Variants in BANF2 observed in about 807,000 individuals in gnomAD.
BANF2 encodes the protein BANF family member 2.
A neutral mutation model predicts 8.0 loss-of-function variants in BANF2; 4 were observed. That is an observed-to-expected ratio of 0.50 (90% CI 0.25 to 1.14). The LOEUF (loss-of-function observed/expected upper bound fraction) is 1.14. BANF2 is among the 50% of genes most tolerant of loss of function. The pLI is 0.16. For synonymous variants in BANF2, 50 were observed against 40.6 expected, an observed-to-expected ratio of 1.23 and a Z score of -0.88; for missense variants, 96 against 107.5, an observed-to-expected ratio of 0.89 and a Z score of 0.47.
chr20:17,694,095 C>T (rs762631234), intron 1 of BANF2, among the ~76,000 whole-genome samples: 5 of 152,194 alleles, frequency 3.3e-5, no homozygotes, highest in East Asian at 1.9e-4. Context: ...AGTACTTGTT[C>T]GTTCATTCAG....
chr20:17,735,836 A>G lies in BANF2; in HGVS notation c.*25A>G. 1 of 1,598,582 alleles carries G rather than the reference A, an allele frequency of 6.3e-7. No homozygotes were observed. The highest frequency in any genetic ancestry group is 8.6e-7 in the Non-Finnish European group (1 of 1,169,530). On this transcript the variant is annotated 3_prime_UTR_variant, in exon 4 of 4. Transcript: ENST00000246090. ...GACACAAACCTCATTGCTGCCCCCCACCACCCTCTGGGGAAAATGACGCCT... is the reference window on the plus strand; with the variant it reads ...GACACAAACCTCATTGCTGCCCCCCGCCACCCTCTGGGGAAAATGACGCCT...
chr20:17,731,746 T>A lies in BANF2; in HGVS notation c.127-3919T>A, dbSNP rs1394723776. ...CTCTAGCCTGTGTGACGGAATGAGA[T>A]CCCGTCTCTTAGGAAAAAAAAAAAA... On this transcript the variant is annotated intron_variant, in intron 3 of 3. Transcript: ENST00000246090. Among the ~76,000 whole-genome samples the A allele has an allele frequency of 8.6e-5, 9 of 104,660 alleles. No homozygotes were observed. The Admixed American group carries it at 1.2e-3, about 14-fold the overall frequency. 68.7% of individuals were successfully genotyped at this position (104,660 alleles called of 152,430 possible).
At chr20:17,715,239 C>A (rs1002320197) in intron 1 of BANF2, among the ~76,000 whole-genome samples, 1 of 152,138 alleles carries the variant, frequency 6.6e-6, no homozygotes, top group African/African-American at 2.4e-5. Flanking sequence ...GTGAGCCCTG[C>A]CTTTGGGAAT....
chr20:17,694,702 T>C (rs1425420795), intron 1 of BANF2, among the ~76,000 whole-genome samples: 1 of 144,218 alleles, frequency 6.9e-6, no homozygotes, highest in Non-Finnish European at 1.5e-5. Context: ...CACTGTAGCC[T>C]TGACCTCCCA....
Position 17,725,004 on chromosome 20 carries a change from C to G in BANF2, c.-3-19C>G. The G allele has an allele frequency of 6.2e-7, 1 of 1,601,086 alleles. No homozygotes were observed. The highest frequency in any genetic ancestry group is 8.6e-7 in the Non-Finnish European group (1 of 1,169,432). ...GTCAGGTATCTGCTAATCCTCCTCTCTCCCCACTGCTGTCGCAGGAGATGG... is the reference window on the plus strand; with the variant it reads ...GTCAGGTATCTGCTAATCCTCCTCTGTCCCCACTGCTGTCGCAGGAGATGG... On this transcript the variant is annotated intron_variant, in intron 2 of 3. Transcript: ENST00000246090.
At chr20:17,730,437 C>G (rs2037877262) in intron 3 of BANF2, among the ~76,000 whole-genome samples, 1 of 152,106 alleles carries the variant, frequency 6.6e-6, no homozygotes, top group Admixed American at 6.5e-5. Context: ...AGGCTCTGCT[C>G]TCCCTCGCCC....
At chr20:17,710,606 C>T (rs947050029) in intron 1 of BANF2, among the ~76,000 whole-genome samples, 6 of 152,290 alleles carry the variant, frequency 3.9e-5, no homozygotes, top group Admixed American at 2.0e-4. Context: ...CCCAGGCTGG[C>T]ACCAGACCTT....
intron 3 of BANF2, among the ~76,000 whole-genome samples, chr20:17,734,443 C>T (rs185868378): frequency 2.0e-4 from 30 of 152,208 alleles, no homozygotes; most frequent in East Asian, 3.9e-4. Flanking sequence ...CAGAGCACAC[C>T]GTGTGCATTA....
At chr20:17,708,058 A>G in intron 1 of BANF2, among the ~76,000 whole-genome samples, 1 of 151,254 alleles carries the variant, frequency 6.6e-6, no homozygotes, top group Non-Finnish European at 1.5e-5. Flanking sequence ...AAAAAAAAAA[A>G]AAAAAAAAAC....
intron 1 of BANF2, among the ~76,000 whole-genome samples, chr20:17,714,247 GA>G (rs377361050): frequency 8.0e-5 from 12 of 149,598 alleles, no homozygotes; most frequent in Admixed American, 2.7e-4. Context: ...AATAAAAGGT[GA>G]AAAAAAATAC....
intron 1 of BANF2, among the ~76,000 whole-genome samples, chr20:17,700,301 G>A (rs1366657917): frequency 1.3e-5 from 2 of 152,074 alleles, no homozygotes; most frequent in Admixed American, 6.5e-5. Flanking sequence ...CCTAAGACTC[G>A]GCTTGCCACC....
chr20:17,708,262 C>T (rs572355157), intron 1 of BANF2, among the ~76,000 whole-genome samples: 2 of 151,962 alleles, frequency 1.3e-5, no homozygotes, highest in South Asian at 4.2e-4. Context: ...ACCTGAGATC[C>T]CTGATCCACA....
At chr20:17,727,224 G>A (rs1212734156) in intron 3 of BANF2, among the ~76,000 whole-genome samples, 1 of 152,222 alleles carries the variant, frequency 6.6e-6, no homozygotes, top group Non-Finnish European at 1.5e-5. Context: ...TGCTCCTCTT[G>A]TGTCCATGAC....
intron 3 of BANF2, among the ~76,000 whole-genome samples, chr20:17,728,823 C>T (rs6111640): frequency 0.025 from 3,841 of 152,218 alleles, 140 homozygotes; most frequent in African/African-American, 0.077. Flanking sequence ...ATCCAGACAG[C>T]GGCCGCAGGT....
chr20:17,726,255 G>A (rs149211030), intron 3 of BANF2, among the ~76,000 whole-genome samples: 352 of 152,036 alleles, frequency 2.3e-3, no homozygotes, highest in African/African-American at 8.1e-3. Context: ...ATGCCATCTC[G>A]GCTCACTGCA....
intron 3 of BANF2, among the ~76,000 whole-genome samples, chr20:17,727,723 G>T (rs2122641437): frequency 6.6e-6 from 1 of 152,204 alleles, no homozygotes; most frequent in South Asian, 2.1e-4. Flanking sequence ...CTGACTCTTG[G>T]TGGTTTTTAT....
chr20:17,711,938 G>A (rs567175834), intron 1 of BANF2, among the ~76,000 whole-genome samples: 11 of 152,168 alleles, frequency 7.2e-5, no homozygotes, highest in East Asian at 1.9e-4. Flanking sequence ...TGGGAGGTGC[G>A]GTCTCCTTAG....
At chr20:17,707,372 G>A (rs1467741862) in intron 1 of BANF2, among the ~76,000 whole-genome samples, 1 of 84,896 alleles carries the variant, frequency 1.2e-5, no homozygotes, top group Non-Finnish European at 2.5e-5. Flanking sequence ...GACAGAGCGA[G>A]ACTCTGTGTC....
At chr20:17,705,162 G>A (rs919492853) in intron 1 of BANF2, among the ~76,000 whole-genome samples, 5 of 152,148 alleles carry the variant, frequency 3.3e-5, no homozygotes, top group African/African-American at 1.2e-4. Context: ...GGCGAGGCCT[G>A]GTCATGTGTG....
Sources: gnomAD v4.1 joint callset for allele counts (sites outside exome capture counted in the v4.1 genomes callset) on GRCh38, gnomAD v4.1.1 for gene constraint, MANE v1.5 for transcripts, NCBI Gene and HGNC (gene_info 2026-07-23, HGNC 2026-07-21) for gene names.